SYNPR: variants seen among roughly 807,000 people sequenced by gnomAD.
SYNPR encodes synaptoporin.
In SYNPR, 23 loss-of-function variants were observed where a neutral mutation model predicts 32.9. The observed-to-expected ratio is 0.70, with a 90% confidence interval of 0.50 to 0.99. SYNPR has a LOEUF of 0.99. Among genes scored for constraint, SYNPR ranks in the 50% least tolerant of loss-of-function variants. SYNPR has a pLI of 0.00. For missense variants in SYNPR, 318 were observed against 349.3 expected (o/e 0.91, Z 0.71); for synonymous variants, 146 against 135.9 (o/e 1.07, Z -0.52).
At chr3:63,278,880 C>T in intron 2 of SYNPR, 138 bp downstream of exon 2, 4 of 1,036,748 alleles carry the variant, frequency 3.9e-6, no homozygotes, top group Non-Finnish European at 5.6e-6. Flanking sequence ...CAATCCTGCC[C>T]CCTCCTAAGA....
intron 2 of SYNPR, among the ~76,000 whole-genome samples, chr3:63,309,267 A>G (rs944580465): frequency 1.3e-5 from 2 of 152,050 alleles, no homozygotes; most frequent in Non-Finnish European, 2.9e-5. Flanking sequence ...ATACACTTAC[A>G]GCTGTTTTCA....
chr3:63,302,147 A>C (rs2086864569), intron 2 of SYNPR, among the ~76,000 whole-genome samples: 1 of 152,092 alleles, frequency 6.6e-6, no homozygotes, highest in Non-Finnish European at 1.5e-5. Flanking sequence ...GGATTATTTC[A>C]AATTCTCCAG....
At chr3:63,387,400 G>A (rs2088064916) in intron 2 of SYNPR, among the ~76,000 whole-genome samples, 2 of 152,192 alleles carry the variant, frequency 1.3e-5, no homozygotes, top group Middle Eastern at 6.8e-3. Context: ...TTTTCCACTG[G>A]CATGTCTGTC....
At chr3:63,410,249 TG>T (rs2088444471) in intron 2 of SYNPR, among the ~76,000 whole-genome samples, 1 of 152,186 alleles carries the variant, frequency 6.6e-6, no homozygotes, top group East Asian at 1.9e-4. Context: ...TTATCATCTC[TG>T]GTATTTTGTC....
At chr3:63,350,628 A>C (rs2087494371) in intron 2 of SYNPR, among the ~76,000 whole-genome samples, 1 of 152,246 alleles carries the variant, frequency 6.6e-6, no homozygotes, top group Non-Finnish European at 1.5e-5. Context: ...GTGTAAGTCA[A>C]ATGCCTGCAG....
intron 2 of SYNPR, among the ~76,000 whole-genome samples, chr3:63,320,191 T>A (rs1193885794): frequency 6.6e-6 from 1 of 152,002 alleles, no homozygotes; most frequent in African/African-American, 2.4e-5. Context: ...GCTCAAGTGA[T>A]CCTCCTGCCT....
chr3:63,472,005 C>A (rs1315669456), intron 2 of SYNPR, among the ~76,000 whole-genome samples: 2 of 152,182 alleles, frequency 1.3e-5, no homozygotes, highest in Admixed American at 6.5e-5. Flanking sequence ...ACTCCCTCCC[C>A]ACGGCAGCCT....
intron 2 of SYNPR, among the ~76,000 whole-genome samples, chr3:63,257,752 C>G (rs1341511218): frequency 2.0e-5 from 3 of 151,996 alleles, no homozygotes; most frequent in Non-Finnish European, 4.4e-5. Flanking sequence ...CTAAATGCTC[C>G]AATTAAAAGA....
chr3:63,354,955 A>G (rs1198896163), intron 2 of SYNPR, among the ~76,000 whole-genome samples: 1 of 152,182 alleles, frequency 6.6e-6, no homozygotes, highest in Non-Finnish European at 1.5e-5. Flanking sequence ...AAGAAACAGA[A>G]GTTCAACAAA....
At chr3:63,318,855 T>A (rs1415243568) in intron 2 of SYNPR, among the ~76,000 whole-genome samples, 1 of 151,760 alleles carries the variant, frequency 6.6e-6, no homozygotes, top group Non-Finnish European at 1.5e-5. Context: ...ATTACCGGGG[T>A]TGGTTTTCTG....
At chr3:63,216,747 G>C in the SYNPR span, among the ~76,000 whole-genome samples, 278 of 47,182 alleles carry the variant, frequency 5.9e-3, 126 homozygotes, top group Non-Finnish European at 0.012. Flanking sequence ...TTCCGTTGCT[G>C]GTGAGGAACT....
intron 2 of SYNPR, among the ~76,000 whole-genome samples, chr3:63,292,043 T>C (rs1165758903): frequency 1.3e-5 from 2 of 152,204 alleles, no homozygotes; most frequent in East Asian, 1.9e-4. Flanking sequence ...AGCATGTGAC[T>C]GTACTGAATA....
In SYNPR at chr3:63,522,818, C is replaced by G. The variant is rs377307702; in HGVS notation, c.210-33725C>G. 2.0e-5 allele frequency among the ~76,000 whole-genome samples: 3 copies of G among 152,106 alleles called. No homozygotes were observed. In the East Asian group the frequency reaches 5.8e-4, roughly 30 times the overall value. On this transcript the variant is annotated intron_variant, in intron 3 of 5. Coordinates refer to ENST00000478300, the MANE Select transcript of SYNPR (RefSeq NM_001130003.2). ...GCAAGGGGTCCAGGGGAGGTCTGAG[C>G]GGAGGCAGAGAAGATCATGCAGGGT...
intron 2 of SYNPR, among the ~76,000 whole-genome samples, chr3:63,334,100 G>T (rs1304438502): frequency 1.3e-5 from 2 of 152,212 alleles, no homozygotes; most frequent in South Asian, 4.1e-4. Context: ...TTGGCTCACA[G>T]CTGTTTTAAT....
intron 2 of SYNPR, among the ~76,000 whole-genome samples, chr3:63,329,481 G>T (rs151093341): frequency 1.1e-3 from 166 of 152,210 alleles, no homozygotes; most frequent in Non-Finnish European, 1.9e-3. Context: ...AATTAAAATT[G>T]GAGAAAATGG....
intron 4 of SYNPR, among the ~76,000 whole-genome samples, chr3:63,608,633 A>G (rs1700156637): frequency 6.6e-6 from 1 of 152,228 alleles, no homozygotes; most frequent in Admixed American, 6.5e-5. Context: ...CATTGCCATC[A>G]AAGAATCTTA....
chr3:63,367,608 G>C (rs1032843368), intron 2 of SYNPR, among the ~76,000 whole-genome samples: 4 of 151,936 alleles, frequency 2.6e-5, no homozygotes, highest in Admixed American at 2.6e-4. Context: ...TGCCTGCCTC[G>C]GCCTCCTAAA....
intron 2 of SYNPR, among the ~76,000 whole-genome samples, chr3:63,408,270 AAAG>A (rs1491353022): frequency 1.7e-5 from 2 of 119,202 alleles, no homozygotes; most frequent in African/African-American, 7.3e-5. Flanking sequence ...AGAAAGAAAG[AAAG>A]AAAGAGGAAG....
At chr3:63,262,168 T>C (rs2086444505) in intron 2 of SYNPR, among the ~76,000 whole-genome samples, 1 of 151,730 alleles carries the variant, frequency 6.6e-6, no homozygotes, top group Non-Finnish European at 1.5e-5. Flanking sequence ...ATGCAAAGCC[T>C]GAGGCAAAAT....
Sources: gnomAD v4.1 joint callset for allele counts (sites outside exome capture counted in the v4.1 genomes callset) on GRCh38, gnomAD v4.1.1 for gene constraint, MANE v1.5 for transcripts, NCBI Gene and HGNC (gene_info 2026-07-23, HGNC 2026-07-21) for gene names.